Variants in PZP observed in about 807,000 individuals in gnomAD.
The protein encoded by PZP is PZP alpha-2-macroglobulin like.
Under a neutral mutation model 179.8 loss-of-function variants are expected in PZP, and 150 were observed. The ratio of observed to expected loss-of-function variants is 0.83; its 90% CI spans 0.73 to 0.96. The LOEUF is 0.96. Among genes scored for constraint, PZP ranks in the 40% least tolerant of loss-of-function variants. The probability of loss-of-function intolerance (pLI) is 0.00; values close to 1 mark genes in which losing one functional copy is unlikely to be tolerated. For synonymous variants in PZP, 624 were observed against 652.3 expected (o/e 0.96, Z 0.66); for missense variants, 1,689 against 1,764.0 (o/e 0.96, Z 0.76).
chr12:9,155,466 T>A lies in PZP; in HGVS notation c.3551-627A>T, dbSNP rs1239445265. Reference sequence around the variant, plus strand: ...TTCAACTCAGAATTAAAACTTTTGATTCTTGTTTTGTTTTTTGTTGTTGTT... The same window carrying A: ...TTCAACTCAGAATTAAAACTTTTGAATCTTGTTTTGTTTTTTGTTGTTGTT... On this transcript the variant is annotated intron_variant, in intron 28 of 35. Transcript: ENST00000261336. Among the ~76,000 whole-genome samples the A allele has an allele frequency of 4.0e-5, 6 of 151,068 alleles. No individual in the cohort carries two copies. In the South Asian group the frequency reaches 1.3e-3, roughly 32 times the overall value.
Position 9,148,994 on chromosome 12 carries a change from T to A in PZP, c.4427A>T (p.Asp1476Val), listed in dbSNP as rs369736817. The change falls in exon 36 of 36, where the codon GAT becomes GTT. Residue 1476 changes from aspartate to valine, a missense_variant and splice_region_variant. Coordinates refer to ENST00000261336, the MANE Select transcript of PZP (RefSeq NM_002864.3). Reference protein sequence around the residue: ...VAEYIAPCSTDTEHGNV With the variant: ...VAEYIAPCSTVTEHGNV ...TCCTCAAACATTTCCATGCTCTGTA[T>A]CTATGGAGAAAAGAAAAACGTAAGG... 1 of 1,611,500 alleles carries A rather than the reference T, an allele frequency of 6.2e-7. No individual in the cohort carries two copies. The highest frequency in any genetic ancestry group is 8.5e-7 in the Non-Finnish European group (1 of 1,177,692).
At chr12:9,163,610 G>A in intron 21 of PZP, 58 bp downstream of exon 21, 1 of 1,584,500 alleles carries the variant, frequency 6.3e-7, no homozygotes, top group Admixed American at 1.7e-5. Context: ...GTTGTCTCAA[G>A]AGTGACCGCC....
Position 9,197,021 on chromosome 12 carries a change from GA to G in PZP, c.857del (p.Phe286SerfsTer29), listed in dbSNP as rs1286554341. On this transcript the variant is annotated frameshift_variant, in exon 8 of 36. Transcript: ENST00000261336. LOFTEE classifies it high-confidence loss of function. ...AATACCGCCTACTAACCTGTTGACTGAATTCCTCACAGACCTCCTGCTTGTC... is the reference window on the plus strand; with the variant it reads ...AATACCGCCTACTAACCTGTTGACTGATTCCTCACAGACCTCCTGCTTGTC... ...NCDKQEVCEE[F>X]SQQLNSNGCI... is the part of the protein sequence containing the mutation. 6.2e-7 allele frequency: 1 copy of G among 1,609,078 alleles called. No homozygotes were observed. The highest frequency in any genetic ancestry group is 1.1e-5 in the South Asian group (1 of 90,912).
chr12:9,204,801 AC>A (rs1031741917), intron 1 of PZP, among the ~76,000 whole-genome samples: 2 of 152,172 alleles, frequency 1.3e-5, no homozygotes, highest in Non-Finnish European at 2.9e-5. Context: ...ATAAAAAAAA[AC>A]AAACAGGTTC....
At chr12:9,136,719 C>A in the PZP span, among the ~76,000 whole-genome samples, 4 of 151,940 alleles carry the variant, frequency 2.6e-5, no homozygotes, top group African/African-American at 9.7e-5. Context: ...TAATAGGCAT[C>A]CTGACATGTG....
chr12:9,147,621 G>A (rs7971847), downstream of PZP, among the ~76,000 whole-genome samples: 28,250 of 152,006 alleles, frequency 0.19, 2,981 homozygotes, highest in East Asian at 0.47. Flanking sequence ...TGTGGGACAG[G>A]GGGGAAGCCT....
At position 9,200,886 on chromosome 12, in the gene PZP, C is replaced by G; in HGVS notation, c.670+6G>C. On this transcript the variant is annotated splice_donor_region_variant and intron_variant, in intron 6 of 35. Transcript: ENST00000261336. ...TTATGCCTTTTTCATCTTCCATAAT[C>G]CATACCAAATTCCTCCACGGTGAAG... 1 of 1,610,526 alleles carries G rather than the reference C, an allele frequency of 6.2e-7. No homozygotes were observed. The highest frequency in any genetic ancestry group is 8.5e-7 in the Non-Finnish European group (1 of 1,178,678).
Position 9,196,323 on chromosome 12 carries a change from A to G in PZP, c.1092+7T>C. The G allele has an allele frequency of 1.9e-6, 3 of 1,587,470 alleles. No homozygotes were observed. The highest frequency in any genetic ancestry group is 2.6e-6 in the Non-Finnish European group (3 of 1,156,008). On this transcript the variant is annotated splice_region_variant and intron_variant, in intron 10 of 35. Coordinates refer to ENST00000261336, the MANE Select transcript of PZP (RefSeq NM_002864.3). ...TTTGCTTACCTGTGCATTACAACATATCTTACCTGTGCAAAAAAGGGGATT... is the reference window on the plus strand; with the variant it reads ...TTTGCTTACCTGTGCATTACAACATGTCTTACCTGTGCAAAAAAGGGGATT...
downstream of PZP, among the ~76,000 whole-genome samples, chr12:9,148,320 G>T (rs149453809): frequency 5.9e-5 from 9 of 152,238 alleles, no homozygotes; most frequent in East Asian, 1.7e-3. Context: ...TCTATAGGAT[G>T]CAGGTTACTC....
intron 13 of PZP, among the ~76,000 whole-genome samples, chr12:9,188,000 A>C (rs10843089): frequency 0.56 from 85,249 of 152,184 alleles, 23,923 homozygotes; most frequent in Admixed American, 0.63. Context: ...TGCCCCCATG[A>C]GGAGAAGTGG....
At chr12:9,138,954 A>C in the PZP span, among the ~76,000 whole-genome samples, 1 of 146,382 alleles carries the variant, frequency 6.8e-6, no homozygotes, top group Non-Finnish European at 1.5e-5. Flanking sequence ...AATTTTTGTT[A>C]TTTCTTTCTC....
chr12:9,169,289 C>A, intron 16 of PZP, 141 bp downstream of exon 16: 1 of 861,396 alleles, frequency 1.2e-6, no homozygotes, highest in East Asian at 2.8e-5. Flanking sequence ...GAGACTTTAA[C>A]CTTTTTATTG....
rs1941172494 is a variant in PZP at position 9,161,115 on chromosome 12, AC to A, written c.2789del (p.Gly930ValfsTer10). ...AGGACAACTGCTCAGACACATTAGC[AC>A]CTTTAGAAACAGACAGCCCATGTTA... ...KTFSSMTCASGANVSEQLSLK... is the reference protein window; with the variant it reads ...KTFSSMTCASXANVSEQLSLK... On this transcript the variant is annotated frameshift_variant and splice_region_variant, in exon 23 of 36. Coordinates refer to ENST00000261336, the MANE Select transcript of PZP (RefSeq NM_002864.3). LOFTEE classifies it high-confidence loss of function. The A allele has an allele frequency of 3.8e-6, 6 of 1,563,166 alleles. No individual in the cohort carries two copies. The South Asian group carries it at 6.9e-5, about 18-fold the overall frequency.
chr12:9,186,550 A>G (rs1943130113), intron 13 of PZP, among the ~76,000 whole-genome samples: 1 of 152,170 alleles, frequency 6.6e-6, no homozygotes, highest in Non-Finnish European at 1.5e-5. Flanking sequence ...AGATAAAGGA[A>G]AGGAGAAAAA....
At position 9,150,732 on chromosome 12, in the gene PZP, C is replaced by T. The variant is rs371639831; in HGVS notation, c.4296G>A (p.Thr1432=). 1.7e-5 allele frequency: 28 copies of T among 1,611,152 alleles called. No individual in the cohort carries two copies. Among genetic ancestry groups the T allele is most frequent in the East Asian group, 6.7e-5 (3 of 44,822 alleles). The change falls in exon 34 of 36, where the codon ACG becomes ACA. Residue 1432 remains threonine, a synonymous_variant. Coordinates refer to ENST00000261336, the MANE Select transcript of PZP (RefSeq NM_002864.3). ...GCAGAACCATGAAGGAAAAACTTAG[C>T]GTCTGATTTGTCACCTGAAAGGAAA... ...LIYVEQVTNQ[T]LSFSFMVLQD...
chr12:9,178,266 T>C (rs887335915), intron 15 of PZP, among the ~76,000 whole-genome samples: 2 of 152,196 alleles, frequency 1.3e-5, no homozygotes, highest in African/African-American at 2.4e-5. Flanking sequence ...ATCTCACACT[T>C]TCCTGCTTCA....
chr12:9,208,142 A>G (rs759244592), intron 1 of PZP, 117 bp downstream of exon 1: 12 of 684,528 alleles, frequency 1.8e-5, no homozygotes, highest in Non-Finnish European at 2.1e-5. Context: ...ATAATTTCTT[A>G]TATTTGGAAG....
intron 1 of PZP, among the ~76,000 whole-genome samples, chr12:9,205,751 T>C (rs899448525): frequency 6.6e-6 from 1 of 152,206 alleles, no homozygotes; most frequent in Non-Finnish European, 1.5e-5. Context: ...ACTCTTACTT[T>C]TTAAATTGTT....
rs755649025 is a variant in PZP at position 9,165,372 on chromosome 12, G to A, written c.2259-5C>T. The A allele has an allele frequency of 8.1e-6, 13 of 1,613,640 alleles. No individual in the cohort carries two copies. Among genetic ancestry groups the A allele is most frequent in the East Asian group, 4.5e-5 (2 of 44,888 alleles). On this transcript the variant is annotated splice_polypyrimidine_tract_variant and splice_region_variant and intron_variant, in intron 18 of 35. Transcript: ENST00000261336. The stretch of plus-strand genomic sequence containing the variant: ...ACCTCAGCCACACCTGATGAGCTGG[G>A]GAGGAGGGCAAGTGAAGAACAGAAA...
Sources: allele counts gnomAD v4.1 joint callset (sites outside exome capture counted in the v4.1 genomes callset), GRCh38; gene constraint gnomAD v4.1.1; transcripts MANE v1.5; gene names NCBI Gene and HGNC (gene_info 2026-07-23, HGNC 2026-07-21).